The following AHRR variants were observed in gnomAD, a reference collection of about 807,000 sequenced individuals.
AHRR encodes ahR repressor.
AHRR carries 28 observed loss-of-function variants against 44.0 expected under a neutral mutation model. The ratio of observed to expected loss-of-function variants is 0.64; its 90% CI spans 0.47 to 0.87. The LOEUF is 0.87. Among genes scored for constraint, AHRR ranks in the 40% least tolerant of loss-of-function variants. The pLI is 0.00. For missense variants in AHRR, 990 were observed against 953.9 expected (o/e 1.04, Z -0.50); for synonymous variants, 434 against 407.0 (o/e 1.07, Z -0.80).
In AHRR at chr5:416,746, C is replaced by G. The variant is rs542094997; in HGVS notation, c.441+3313C>G. 1.3e-4 allele frequency among the ~76,000 whole-genome samples: 20 copies of G among 152,338 alleles called. No individual in the cohort carries two copies. The East Asian group carries it at 3.7e-3, about 28-fold the overall frequency. ...TTGCTGGGGTTTGGTGCATCCTTCACTGTGGGGTGCCGTGAACGGGGGAGC... is the reference window on the plus strand; with the variant it reads ...TTGCTGGGGTTTGGTGCATCCTTCAGTGTGGGGTGCCGTGAACGGGGGAGC... On this transcript the variant is annotated intron_variant, in intron 5 of 10. Transcript: ENST00000684583.
Position 422,922 on chromosome 5 carries a change from C to CTCTGACAGGG in AHRR, c.571+68_571+69insACAGGGTCTG. The CTCTGACAGGG allele has an allele frequency of 5.2e-6, 8 of 1,528,148 alleles. No individual in the cohort carries two copies. The South Asian group carries it at 1.0e-4, about 20-fold the overall frequency. 94.7% of individuals were successfully genotyped at this position (1,528,148 alleles called of 1,614,324 possible). A position where few individuals can be genotyped will look rare whatever the true frequency, so the allele number is the denominator to read the frequency against. On this transcript the variant is annotated intron_variant, in intron 6 of 10. Coordinates refer to ENST00000684583, the MANE Select transcript of AHRR (RefSeq NM_001377236.1). ...AGCAGGTCCCATAACACATCGCTGC[C>CTCTGACAGGG]TCTGGAAATGACCCTGTCGCACCTT...
intron 4 of AHRR, among the ~76,000 whole-genome samples, chr5:397,110 C>T (rs1419098635): frequency 4.2e-5 from 5 of 118,090 alleles, no homozygotes; most frequent in Admixed American, 8.3e-5. Flanking sequence ...TCCACGTAGC[C>T]CCTGACCATC....
rs1289966055 is a variant in AHRR, at chr5:387,950, G to A, written c.351+11234G>A. Among the ~76,000 whole-genome samples, 2 of 152,052 alleles carry A rather than the reference G, an allele frequency of 1.3e-5. No homozygotes were observed. Among genetic ancestry groups the A allele is most frequent in the South Asian group, 4.1e-4 (2 of 4,832 alleles). ...GGGAGAGTGTACTCCACACCCCCTC[G>A]CTTCTGGAATGTTCTTCTTGTGAAT... is the stretch of plus-strand genomic sequence containing the variant. On this transcript the variant is annotated intron_variant, in intron 4 of 10. Transcript: ENST00000684583. This position sits in a 1 kb window ranked among gnomAD's most constrained non-coding sequence, Gnocchi z 5.1.
intron 3 of AHRR, among the ~76,000 whole-genome samples, chr5:373,605 T>A (rs892959500): frequency 7.4e-5 from 11 of 149,162 alleles, no homozygotes; most frequent in Non-Finnish European, 1.6e-4. Context: ...GGAGGGGGGG[T>A]CTCTCTCCAC....
At chr5:359,420 C>A (rs1743092597) in intron 3 of AHRR, among the ~76,000 whole-genome samples, 1 of 152,010 alleles carries the variant, frequency 6.6e-6, no homozygotes. Context: ...CGGAGTCCAC[C>A]CAGGCCTGGC....
chr5:427,084 AAGAT>A (rs886792254), intron 7 of AHRR, among the ~76,000 whole-genome samples: 1 of 150,914 alleles, frequency 6.6e-6, no homozygotes, highest in African/African-American at 2.4e-5. Flanking sequence ...GATGGATGGA[AAGAT>A]AGATTGGTGG....
At chr5:412,723 T>TG (rs1311336560) in intron 4 of AHRR, among the ~76,000 whole-genome samples, 1 of 148,312 alleles carries the variant, frequency 6.7e-6, no homozygotes, top group East Asian at 2.0e-4. Flanking sequence ...CTCTTTTTTT[T>TG]TTTTTTTTTT....
intron 2 of AHRR, among the ~76,000 whole-genome samples, chr5:349,473 G>A (rs746307163): frequency 1.3e-5 from 2 of 151,930 alleles, no homozygotes; most frequent in African/African-American, 2.4e-5. Flanking sequence ...CCAGCTACTC[G>A]GGAGGCTGAG....
intron 9 of AHRR, 60 bp from the exon 10 acceptor site, chr5:432,746 T>G: frequency 6.2e-7 from 1 of 1,613,256 alleles, no homozygotes; most frequent in South Asian, 1.1e-5. Context: ...CAAGCAACCG[T>G]CTTCCAGGAG....
chr5:349,153 G>T (rs1454305434), intron 2 of AHRR, among the ~76,000 whole-genome samples: 1 of 152,148 alleles, frequency 6.6e-6, no homozygotes, highest in East Asian at 1.9e-4. Context: ...TGTTCTTATT[G>T]TCTTGTTTTC....
chr5:415,653 GGCCTAGGGGCCGAA>G (rs2126518740), intron 5 of AHRR, among the ~76,000 whole-genome samples: 5 of 135,170 alleles, frequency 3.7e-5, no homozygotes, highest in Non-Finnish European at 8.6e-5. Context: ...TGGGGCGGGA[GGCCTAGGGGCCGAA>G]TCTGCCTGGT....
At chr5:332,263 CTTTTTTTT>C (rs36049046) in intron 1 of AHRR, among the ~76,000 whole-genome samples, 1 of 116,990 alleles carries the variant, frequency 8.5e-6, no homozygotes, top group Non-Finnish European at 1.7e-5. Flanking sequence ...TCTGTTAAGA[CTTTTTTTT>C]TTTTTTTTTT....
chr5:390,200 A>C (rs1452017522), intron 4 of AHRR, among the ~76,000 whole-genome samples: 1 of 152,186 alleles, frequency 6.6e-6, no homozygotes, highest in Non-Finnish European at 1.5e-5. Context: ...GAAGAGTGTG[A>C]TTGGATTGCT....
At chr5:348,305 T>C (rs1742746003) in intron 2 of AHRR, among the ~76,000 whole-genome samples, 2 of 151,470 alleles carry the variant, frequency 1.3e-5, no homozygotes, top group African/African-American at 2.4e-5. Flanking sequence ...CTCATGACAC[T>C]GTGGAAGCCA....
chr5:386,657 C>G (rs11749473), intron 4 of AHRR, among the ~76,000 whole-genome samples: 15,055 of 152,304 alleles, frequency 0.099, 1,029 homozygotes, highest in Admixed American at 0.13. Context: ...CCACGGAGAT[C>G]ATTCCAGGCT....
intron 2 of AHRR, among the ~76,000 whole-genome samples, chr5:345,352 GTC>G (rs1560885320): frequency 5.1e-5 from 4 of 78,610 alleles, no homozygotes; most frequent in East Asian, 2.9e-4. Flanking sequence ...GTGTGTGTGT[GTC>G]GGATGATGTC....
rs1736988697 is a variant in AHRR, at chr5:435,572, C to G, written c.*738C>G. On this transcript the variant is annotated 3_prime_UTR_variant, in exon 11 of 11. Transcript: ENST00000684583. Reference sequence around the variant, plus strand: ...TGGAATTGACAGCATAACCCCTGTTCCTTCTGGACATCTCCCGAGTTCTCA... The same window carrying G: ...TGGAATTGACAGCATAACCCCTGTTGCTTCTGGACATCTCCCGAGTTCTCA... 6.6e-6 allele frequency: 1 copy of G among 152,418 alleles called. No individual in the cohort carries two copies. The highest frequency in any genetic ancestry group is 2.4e-5 in the African/African-American group (1 of 41,432). The allele number at this position is 152,418 out of a possible 1,614,324, so 9.4% of individuals were successfully genotyped here.
At chr5:375,465 C>T (rs191943762) in intron 3 of AHRR, among the ~76,000 whole-genome samples, 4 of 152,320 alleles carry the variant, frequency 2.6e-5, no homozygotes, top group Admixed American at 1.3e-4. Flanking sequence ...TGGGCAGATC[C>T]GGTGAAGCAT....
chr5:427,720 C>G (rs368934748), intron 7 of AHRR, 87 bp from the exon 8 acceptor site: 51 of 1,613,650 alleles, frequency 3.2e-5, no homozygotes, highest in Non-Finnish European at 4.2e-5. Context: ...ATTCCAGCCG[C>G]TGTCGCGCCC....
Sources: gnomAD v4.1 joint callset for allele counts (sites outside exome capture counted in the v4.1 genomes callset) on GRCh38, gnomAD v4.1.1 for gene constraint, Gnocchi (gnomAD v3.1) non-coding constraint, MANE v1.5 for transcripts, NCBI Gene and HGNC (gene_info 2026-07-23, HGNC 2026-07-21) for gene names.